Variants in KCNIP1 observed in about 807,000 individuals in gnomAD.
KCNIP1 encodes A-type potassium channel modulatory protein KCNIP1.
A neutral mutation model predicts 33.0 loss-of-function variants in KCNIP1; 18 were observed. That is an observed-to-expected ratio of 0.55 (90% CI 0.38 to 0.81). The LOEUF (loss-of-function observed/expected upper bound fraction) is 0.81. Ranked by LOEUF, KCNIP1 falls within the 30% of genes least tolerant of loss-of-function variation. KCNIP1 has a pLI of 0.00. For missense variants in KCNIP1, 238 were observed against 271.6 expected (o/e 0.88, Z 0.87); for synonymous variants, 93 against 98.3 (o/e 0.95, Z 0.32).
At chr5:170,725,934 A>G (rs2113883393) in intron 5 of KCNIP1, among the ~76,000 whole-genome samples, 1 of 152,356 alleles carries the variant, frequency 6.6e-6, no homozygotes, top group Non-Finnish European at 1.5e-5. Flanking sequence ...ATTTGGAAAC[A>G]AAAATGGACA....
chr5:170,576,843 A>G (rs574589533), intron 1 of KCNIP1, among the ~76,000 whole-genome samples: 10 of 152,330 alleles, frequency 6.6e-5, no homozygotes, highest in African/African-American at 2.4e-4. Context: ...CCCCCTTTGA[A>G]GTATTTCTGC....
intron 1 of KCNIP1, among the ~76,000 whole-genome samples, chr5:170,406,183 GA>G (rs143434516): frequency 0.045 from 6,789 of 152,306 alleles, 211 homozygotes; most frequent in East Asian, 0.14. Context: ...TAATATAAGG[GA>G]AATTGGGATC....
At chr5:170,508,478 A>G (rs990993646) in intron 1 of KCNIP1, among the ~76,000 whole-genome samples, 3 of 152,222 alleles carry the variant, frequency 2.0e-5, no homozygotes, top group Admixed American at 1.3e-4. Context: ...TTTTCAACCT[A>G]AAGATATGGG....
intron 1 of KCNIP1, among the ~76,000 whole-genome samples, chr5:170,648,988 A>G (rs551338888): frequency 5.9e-5 from 9 of 152,236 alleles, no homozygotes; most frequent in Non-Finnish European, 7.3e-5. Flanking sequence ...TAGATTGACA[A>G]GAATTAAGAA....
At chr5:170,553,853 G>A (rs1490723147) in intron 1 of KCNIP1, among the ~76,000 whole-genome samples, 2 of 152,232 alleles carry the variant, frequency 1.3e-5, no homozygotes, top group African/African-American at 2.4e-5. Flanking sequence ...TGAACGGATG[G>A]ATAGATGTGT....
chr5:170,508,776 A>G (rs1754815953), intron 1 of KCNIP1, among the ~76,000 whole-genome samples: 1 of 152,148 alleles, frequency 6.6e-6, no homozygotes, highest in South Asian at 2.1e-4. Flanking sequence ...AGCAATTTCC[A>G]TATTCAGGAA....
At chr5:170,703,223 A>G (rs1181522707) in intron 1 of KCNIP1, among the ~76,000 whole-genome samples, 1 of 137,972 alleles carries the variant, frequency 7.2e-6, no homozygotes, top group Non-Finnish European at 1.5e-5. Flanking sequence ...GTCACTTAGG[A>G]AAACATGGTA....
chr5:170,634,208 C>T (rs951537445), intron 1 of KCNIP1, among the ~76,000 whole-genome samples: 3 of 152,128 alleles, frequency 2.0e-5, no homozygotes, highest in Non-Finnish European at 4.4e-5. Context: ...GAGGAAATAT[C>T]GGGAACTTAT....
At chr5:170,606,294 T>C (rs1213511579) in intron 1 of KCNIP1, among the ~76,000 whole-genome samples, 1 of 152,226 alleles carries the variant, frequency 6.6e-6, no homozygotes, top group African/African-American at 2.4e-5. Context: ...ATGGTAACTC[T>C]GTGTTTAACT....
chr5:170,622,097 A>G (rs370992454), intron 1 of KCNIP1, among the ~76,000 whole-genome samples: 1 of 152,212 alleles, frequency 6.6e-6, no homozygotes, highest in East Asian at 1.9e-4. Context: ...CAGTTTGTCA[A>G]GGATGAAGGT....
At position 170,592,604 on chromosome 5, in the gene KCNIP1, A is replaced by T. The variant is rs372060097; in HGVS notation, c.61+87971A>T. On this transcript the variant is annotated intron_variant, in intron 1 of 7. Transcript: ENST00000328939. ...GGTTTGAAATCAGAGACTACTTCTC[A>T]TCTTTGGCACAGTGGCAGCCATGGA... Among the ~76,000 whole-genome samples the T allele has an allele frequency of 9.8e-5, 15 of 152,330 alleles. No individual in the cohort carries two copies. In the East Asian group the frequency reaches 1.5e-3, roughly 16 times the overall value.
At chr5:170,560,956 C>T (rs1167076669) in intron 1 of KCNIP1, among the ~76,000 whole-genome samples, 1 of 152,142 alleles carries the variant, frequency 6.6e-6, no homozygotes, top group Non-Finnish European at 1.5e-5. Flanking sequence ...GCCTATTCTT[C>T]TCACAAGAAG....
intron 1 of KCNIP1, among the ~76,000 whole-genome samples, chr5:170,535,789 G>A (rs1295108352): frequency 6.6e-6 from 1 of 152,156 alleles, no homozygotes; most frequent in African/African-American, 2.4e-5. Flanking sequence ...ATCTACTTTT[G>A]AGGGAAAAAG....
chr5:170,675,424 C>A (rs1417781974), intron 1 of KCNIP1, among the ~76,000 whole-genome samples: 1 of 152,116 alleles, frequency 6.6e-6, no homozygotes, highest in Non-Finnish European at 1.5e-5. Flanking sequence ...TCAAGACCAC[C>A]CTGGCCAACA....
chr5:170,682,755 A>AATG (rs1163829239), intron 1 of KCNIP1, among the ~76,000 whole-genome samples: 2 of 148,608 alleles, frequency 1.3e-5, no homozygotes, highest in South Asian at 2.2e-4. Context: ...ATTGCACATT[A>AATG]ATGCAACAGC....
intron 1 of KCNIP1, among the ~76,000 whole-genome samples, chr5:170,373,651 T>A (rs555323963): frequency 6.6e-6 from 1 of 152,200 alleles, no homozygotes; most frequent in Non-Finnish European, 1.5e-5. Flanking sequence ...AGTGGTATTG[T>A]TTTACATTTT....
At chr5:170,443,128 C>T (rs1756030928) in intron 1 of KCNIP1, among the ~76,000 whole-genome samples, 1 of 152,280 alleles carries the variant, frequency 6.6e-6, no homozygotes, top group Non-Finnish European at 1.5e-5. Context: ...ATGGTAGGCA[C>T]CCCTCTTGTC....
intron 1 of KCNIP1, among the ~76,000 whole-genome samples, chr5:170,582,940 C>T (rs62394310): frequency 0.017 from 2,570 of 152,278 alleles, 35 homozygotes; most frequent in Middle Eastern, 0.071. Context: ...TTTTAAAGAC[C>T]ATTTAATAAA....
chr5:170,430,581 T>C (rs1316361115), intron 1 of KCNIP1, among the ~76,000 whole-genome samples: 2 of 152,146 alleles, frequency 1.3e-5, no homozygotes, highest in African/African-American at 2.4e-5. Flanking sequence ...TTAACATTGC[T>C]TGGTGCTTGG....
Sources: allele counts gnomAD v4.1 joint callset (sites outside exome capture counted in the v4.1 genomes callset), GRCh38; gene constraint gnomAD v4.1.1; transcripts MANE v1.5; gene names NCBI Gene and HGNC (gene_info 2026-07-23, HGNC 2026-07-21).